RBM8A: variants seen among roughly 807,000 people sequenced by gnomAD.
RBM8A encodes the protein RNA binding motif protein 8A, also known as RNA-binding protein 8A.
Under a neutral mutation model 25.1 loss-of-function variants are expected in RBM8A, and 8 were observed. The observed-to-expected ratio is 0.32, with a 90% CI of 0.19 to 0.58. The LOEUF (loss-of-function observed/expected upper bound fraction) is 0.58. Ranked by LOEUF, RBM8A falls within the 20% of genes least tolerant of loss-of-function variation. The pLI is 0.88. For missense variants in RBM8A, 114 were observed against 236.8 expected, an observed-to-expected ratio of 0.48 and a Z score of 3.40; for synonymous variants, 66 against 80.0, an observed-to-expected ratio of 0.82 and a Z score of 0.94.
chr1:145,927,058 T>C lies in RBM8A; in HGVS notation c.87A>G (p.Lys29=), dbSNP rs1309995654. 4 of 1,614,040 alleles carry C rather than the reference T, an allele frequency of 2.5e-6. No homozygotes were observed. The highest frequency in any genetic ancestry group is 1.3e-5 in the African/African-American group (1 of 74,924). Residue 29 remains lysine, a synonymous_variant, in exon 2 of 6, where the codon AAA becomes AAG. Coordinates refer to ENST00000583313, the MANE Select transcript of RBM8A (RefSeq NM_005105.5). ...GACCCTTCCGTTTCTTCGCTTTTTC[T>C]TTCAGTTTGTGAATGCTCTCTGGAA... ...EDGDESIHKL[K]EKAKKRKGRG...
Position 145,922,827 on chromosome 1 carries a change from A to C in RBM8A, c.*3055T>G, listed in dbSNP as rs1647868467. 1 of 152,146 alleles carries C rather than the reference A, an allele frequency of 6.6e-6. No individual in the cohort carries two copies. Among genetic ancestry groups the C allele is most frequent in the Non-Finnish European group, 1.5e-5 (1 of 68,028 alleles). The allele number at this position is 152,146 out of a possible 1,614,324, so 9.4% of individuals were successfully genotyped here. A position where few individuals can be genotyped will look rare whatever the true frequency, so the allele number is the denominator to read the frequency against. ...TCCAAGTTATCAGCAGTTGAAAGGG[A>C]TGTTTCTACAGTACGTGGTAAATGG... On this transcript the variant is annotated 3_prime_UTR_variant, in exon 6 of 6. Coordinates refer to ENST00000583313, the MANE Select transcript of RBM8A (RefSeq NM_005105.5).
rs1647966570 is a variant in RBM8A, at chr1:145,924,160, C to G, written c.*1722G>C. On this transcript the variant is annotated 3_prime_UTR_variant, in exon 6 of 6. Coordinates refer to ENST00000583313, the MANE Select transcript of RBM8A (RefSeq NM_005105.5). The stretch of plus-strand genomic sequence containing the variant: ...AGTCCTCAACTCCACTCCAGCTGTT[C>G]CTGTTCCACACGGTCCACTGAGCTG... 1 of 707,028 alleles carries G rather than the reference C, an allele frequency of 1.4e-6. No homozygotes were observed. Among genetic ancestry groups the G allele is most frequent in the Non-Finnish European group, 2.6e-6 (1 of 378,632 alleles). The allele number at this position is 707,028 out of a possible 1,614,324, so 43.8% of individuals were successfully genotyped here. A position where few individuals can be genotyped will look rare whatever the true frequency, so the allele number is the denominator to read the frequency against.
Position 145,927,452 on chromosome 1 carries a change from G to C in RBM8A, c.-26C>G, listed in dbSNP as rs370260423. 6.2e-7 allele frequency: 1 copy of C among 1,602,678 alleles called. No homozygotes were observed. The highest frequency in any genetic ancestry group is 8.5e-7 in the Non-Finnish European group (1 of 1,174,582). ...CTCGCCTTCGATCGAGATCTCGTCT[G>C]TGCCGCTCAGACACTAGGTACCTCG... On this transcript the variant is annotated 5_prime_UTR_variant, in exon 1 of 6. Transcript: ENST00000583313.
intron 1 of RBM8A, 89 bp downstream of exon 1, chr1:145,927,271 T>G: frequency 6.6e-7 from 1 of 1,504,452 alleles, no homozygotes; most frequent in South Asian, 1.2e-5. Context: ...TTCCCATCCT[T>G]ACGACCGAGG....
chr1:145,926,812 G>C lies in RBM8A; in HGVS notation c.202C>G (p.Arg68Gly). 1.9e-6 allele frequency: 3 copies of C among 1,614,086 alleles called. No individual in the cohort carries two copies. Among genetic ancestry groups the C allele is most frequent in the Non-Finnish European group, 2.5e-6 (3 of 1,180,018 alleles). The change falls in exon 3 of 6, where the codon CGC (arginine) becomes GGC (glycine). Residue 68 changes from arginine (R) to glycine (G), a missense_variant. Physicochemically the swap from Arg to Gly is moderately radical, Grantham distance 125. Transcript: ENST00000583313. Reference protein sequence around the residue: ...EQDGDEPGPQRSVEGWILFVT... With the variant: ...EQDGDEPGPQGSVEGWILFVT... ...CACAGGTTCCATTATTACTCACAGC[G>C]TTGTGGTCCGGGTTCATCGCCATCC...
At position 145,922,531 on chromosome 1, in the gene RBM8A, G is replaced by A. The variant is rs1226153091; in HGVS notation, c.*3351C>T. ...GAAATGAATTTCATCCTTTCTTACA[G>A]CCTGACAATCTGACAATATTTGCAA... On this transcript the variant is annotated 3_prime_UTR_variant, in exon 6 of 6. Coordinates refer to ENST00000583313, the MANE Select transcript of RBM8A (RefSeq NM_005105.5). The A allele has an allele frequency of 1.3e-5, 2 of 152,136 alleles. No homozygotes were observed. Among genetic ancestry groups the A allele is most frequent in the African/African-American group, 2.4e-5 (1 of 41,418 alleles). The allele number at this position is 152,136 out of a possible 1,614,324, so 9.4% of individuals were successfully genotyped here.
chr1:145,925,666 A>T lies in RBM8A; in HGVS notation c.*216T>A. Reference sequence around the variant, plus strand: ...TAGAAGTATCTTCACAATGATCCATACAGCCTTGCTATGCTTTAGAACTTT... The same window carrying T: ...TAGAAGTATCTTCACAATGATCCATTCAGCCTTGCTATGCTTTAGAACTTT... On this transcript the variant is annotated 3_prime_UTR_variant, in exon 6 of 6. Transcript: ENST00000583313. The T allele has an allele frequency of 1.7e-6, 1 of 578,760 alleles. No individual in the cohort carries two copies. The highest frequency in any genetic ancestry group is 3.1e-6 in the Non-Finnish European group (1 of 324,990). 35.9% of individuals were successfully genotyped at this position (578,760 alleles called of 1,614,324 possible). A position where few individuals can be genotyped will look rare whatever the true frequency, so the allele number is the denominator to read the frequency against.
rs1553755489 is a variant in RBM8A at position 145,924,599 on chromosome 1, C to T, written c.*1283G>A. On this transcript the variant is annotated 3_prime_UTR_variant, in exon 6 of 6. Coordinates refer to ENST00000583313, the MANE Select transcript of RBM8A (RefSeq NM_005105.5). ...ATCAGTATTATTTATTCTTGAACAC[C>T]ATCAAGTCTAGACTTGGTGGCTTCA... 1 of 357,838 alleles carries T rather than the reference C, an allele frequency of 2.8e-6. No homozygotes were observed. The highest frequency in any genetic ancestry group is 2.1e-5 in the African/African-American group (1 of 46,636). 22.2% of individuals were successfully genotyped at this position (357,838 alleles called of 1,614,324 possible).
Position 145,922,858 on chromosome 1 carries a change from A to C in RBM8A, c.*3024T>G, listed in dbSNP as rs1647870978. 1 of 152,182 alleles carries C rather than the reference A, an allele frequency of 6.6e-6. No homozygotes were observed. The highest frequency in any genetic ancestry group is 2.1e-4 in the South Asian group (1 of 4,826). The allele number at this position is 152,182 out of a possible 1,614,324, so 9.4% of individuals were successfully genotyped here. The stretch of plus-strand genomic sequence containing the variant: ...CTACAGTACGTGGTAAATGGCAATA[A>C]AACAGGATAAAGGAAAGATCAAAAC... On this transcript the variant is annotated 3_prime_UTR_variant, in exon 6 of 6. Transcript: ENST00000583313.
At position 145,924,040 on chromosome 1, in the gene RBM8A, G is replaced by T; in HGVS notation, c.*1842C>A. 1.5e-6 allele frequency: 1 copy of T among 682,884 alleles called. No homozygotes were observed. The highest frequency in any genetic ancestry group is 1.6e-5 in the South Asian group (1 of 62,614). 42.3% of individuals were successfully genotyped at this position (682,884 alleles called of 1,614,324 possible). On this transcript the variant is annotated 3_prime_UTR_variant, in exon 6 of 6. Transcript: ENST00000583313. ...GGCACCATGGATGAACTGTTTCTCA[G>T]CACTGTGCTGCTTCACTTGGAATTA...
intron 1 of RBM8A, 118 bp from the exon 2 acceptor site, chr1:145,927,195 C>G (rs1390689530): frequency 4.8e-6 from 7 of 1,472,220 alleles, no homozygotes; most frequent in Non-Finnish European, 6.5e-6. Flanking sequence ...AGTGCCTTCC[C>G]GGTCACGCCC....
chr1:145,927,202 G>T, intron 1 of RBM8A, 125 bp from the exon 2 acceptor site: 3 of 1,463,046 alleles, frequency 2.1e-6, no homozygotes, highest in Non-Finnish European at 9.4e-7. Context: ...TCCCGGTCAC[G>T]CCCTCCCTTC....
rs587714458 is a variant in RBM8A, at chr1:145,923,329, G to C, written c.*2553C>G. 6.6e-6 allele frequency: 1 copy of C among 152,178 alleles called. No homozygotes were observed. Among genetic ancestry groups the C allele is most frequent in the East Asian group, 1.9e-4 (1 of 5,188 alleles). The allele number at this position is 152,178 out of a possible 1,614,324, so 9.4% of individuals were successfully genotyped here. A position where few individuals can be genotyped will look rare whatever the true frequency, so the allele number is the denominator to read the frequency against. ...AAAACTTAGAAATATATGAATGCAA[G>C]AGATGGGAAGAGGAAAGACCATTTC... On this transcript the variant is annotated 3_prime_UTR_variant, in exon 6 of 6. Coordinates refer to ENST00000583313, the MANE Select transcript of RBM8A (RefSeq NM_005105.5).
rs1647937031 is a variant in RBM8A at position 145,923,714 on chromosome 1, A to G, written c.*2168T>C. 1 of 456,664 alleles carries G rather than the reference A, an allele frequency of 2.2e-6. No homozygotes were observed. The highest frequency in any genetic ancestry group is 3.9e-6 in the Non-Finnish European group (1 of 259,374). 28.3% of individuals were successfully genotyped at this position (456,664 alleles called of 1,614,324 possible). On this transcript the variant is annotated 3_prime_UTR_variant, in exon 6 of 6. Coordinates refer to ENST00000583313, the MANE Select transcript of RBM8A (RefSeq NM_005105.5). ...TACCATTATAGTTACTGCACATAAG[A>G]CTATTACTACTAAAGGTCACTTCAG...
intron 1 of RBM8A, 87 bp downstream of exon 1, chr1:145,927,273 C>G: frequency 6.6e-7 from 1 of 1,504,580 alleles, no homozygotes; most frequent in Non-Finnish European, 9.1e-7. Flanking sequence ...CCCATCCTTA[C>G]GACCGAGGAA....
Position 145,922,228 on chromosome 1 carries a change from G to C in RBM8A, c.*3654C>G, listed in dbSNP as rs1647824248. 1 of 151,804 alleles carries C rather than the reference G, an allele frequency of 6.6e-6. No homozygotes were observed. Among genetic ancestry groups the C allele is most frequent in the African/African-American group, 2.4e-5 (1 of 41,306 alleles). 9.4% of individuals were successfully genotyped at this position (151,804 alleles called of 1,614,324 possible). A position where few individuals can be genotyped will look rare whatever the true frequency, so the allele number is the denominator to read the frequency against. ...GGCAGAGCCAGACTCTGTTGGGGGT[G>C]GGGTGGGGGGGAAAGAGAAAAATAA... On this transcript the variant is annotated 3_prime_UTR_variant, in exon 6 of 6. Transcript: ENST00000583313.
rs139428292 is a variant in RBM8A at position 145,927,447 on chromosome 1, C to A, written c.-21G>T. ...GCCATCTCGCCTTCGATCGAGATCT[C>A]GTCTGTGCCGCTCAGACACTAGGTA... On this transcript the variant is annotated 5_prime_UTR_variant, in exon 1 of 6. Coordinates refer to ENST00000583313, the MANE Select transcript of RBM8A (RefSeq NM_005105.5). 6.2e-7 allele frequency: 1 copy of A among 1,605,056 alleles called. No individual in the cohort carries two copies. Among genetic ancestry groups the A allele is most frequent in the Non-Finnish European group, 8.5e-7 (1 of 1,175,878 alleles).
intron 1 of RBM8A, 86 bp from the exon 2 acceptor site, chr1:145,927,163 G>C (rs1321949473): frequency 6.5e-7 from 1 of 1,540,630 alleles, no homozygotes; most frequent in African/African-American, 1.4e-5. Context: ...CCAGCAAGCC[G>C]ACCCACACCG....
rs1647976671 is a variant in RBM8A at position 145,924,289 on chromosome 1, A to G, written c.*1593T>C. 1.8e-6 allele frequency: 1 copy of G among 555,554 alleles called. No homozygotes were observed. The highest frequency in any genetic ancestry group is 1.5e-5 in the South Asian group (1 of 65,270). The allele number at this position is 555,554 out of a possible 1,614,324, so 34.4% of individuals were successfully genotyped here. ...CCTTCTGCTGCCTCTTTCTGCTGCC[A>G]CTGACTGCCATGGCCATCTGCTATA... On this transcript the variant is annotated 3_prime_UTR_variant, in exon 6 of 6. Coordinates refer to ENST00000583313, the MANE Select transcript of RBM8A (RefSeq NM_005105.5).
Sources: allele counts gnomAD v4.1 joint callset, GRCh38; gene constraint gnomAD v4.1.1; transcripts MANE v1.5; gene names NCBI Gene and HGNC (gene_info 2026-07-23, HGNC 2026-07-21).